Variants in BCOR observed in about 807,000 individuals in gnomAD.
BCOR encodes the protein BCL-6 corepressor.
BCOR carries 10 observed loss-of-function variants against 86.7 expected under a neutral mutation model. The observed-to-expected ratio is 0.12, with a 90% CI of 0.07 to 0.20. The LOEUF is 0.20. Ranked by LOEUF, BCOR falls within the 10% of genes least tolerant of loss-of-function variation. BCOR has a pLI of 1.00. For synonymous variants in BCOR, 611 were observed against 609.0 expected, an observed-to-expected ratio of 1.00 and a Z score of -0.05; for missense variants, 1,259 against 1,452.1, an observed-to-expected ratio of 0.87 and a Z score of 2.16.
intron 1 of BCOR, among the ~76,000 whole-genome samples, chrX:40,147,606 T>C (rs1474554197): frequency 1.8e-5 from 2 of 112,965 alleles, no homozygotes; most frequent in Non-Finnish European, 3.8e-5. Context: ...AAAGACGCAC[T>C]CGGAGAGGCA....
In BCOR at chrX:40,144,615, A is replaced by G. The variant is rs145152763; in HGVS notation, c.-41+32392T>C. Reference sequence around the variant, plus strand: ...CATCTTTCTTATTTGTTTTATCACCAATGAAGTTTATTTACTGAATTAACT... The same window carrying G: ...CATCTTTCTTATTTGTTTTATCACCGATGAAGTTTATTTACTGAATTAACT... On this transcript the variant is annotated intron_variant, in intron 1 of 14. Transcript: ENST00000342274. Among the ~76,000 whole-genome samples, 1,030 of 111,987 alleles carry G rather than the reference A, an allele frequency of 9.2e-3. 10 individuals are homozygous for G. Among genetic ancestry groups the G allele is most frequent in the African/African-American group, 0.031 (968 of 30,800 alleles).
At chrX:40,155,719 G>A (rs1431580637) in intron 1 of BCOR, among the ~76,000 whole-genome samples, 1 of 112,960 alleles carries the variant, frequency 8.9e-6, no homozygotes, top group Non-Finnish European at 1.9e-5. Context: ...GCCGCCGCTA[G>A]AAGTCGTCCA....
intron 1 of BCOR, among the ~76,000 whole-genome samples, chrX:40,105,233 C>G (rs1315287611): frequency 9.0e-6 from 1 of 111,243 alleles, no homozygotes; most frequent in Non-Finnish European, 1.9e-5. Context: ...CATCCCAGCG[C>G]AAGCCGAAAG....
chrX:40,110,673 T>C (rs1322256412), intron 1 of BCOR, among the ~76,000 whole-genome samples: 281 of 7,034 alleles, frequency 0.04, no homozygotes, highest in East Asian at 0.077. Flanking sequence ...TTTTCTTTTT[T>C]TTTTTTTTTT....
At chrX:40,119,392 G>A (rs754090468) in intron 1 of BCOR, among the ~76,000 whole-genome samples, 307 of 110,585 alleles carry the variant, frequency 2.8e-3, no homozygotes, top group Non-Finnish European at 3.7e-3. Context: ...GTCAGGATGG[G>A]CCAGGTGCAG....
In BCOR at chrX:40,128,256, G is replaced by C. The variant is rs776275262; in HGVS notation, c.-41+48751C>G. ...AAACAAAAAAACAAAAAAGTATATT[G>C]GGTTAGAAGCCAGGTGCAGCGGCTC... On this transcript the variant is annotated intron_variant, in intron 1 of 14. Transcript: ENST00000342274. Among the ~76,000 whole-genome samples, 6 of 108,985 alleles carry C rather than the reference G, an allele frequency of 5.5e-5. No homozygotes were observed. In the East Asian group the frequency reaches 1.7e-3, roughly 31 times the overall value. The allele number at this position is 108,985 out of a possible 115,157, so 94.6% of individuals were successfully genotyped here.
chrX:40,138,744 G>A (rs1314570589), intron 1 of BCOR, among the ~76,000 whole-genome samples: 10 of 109,908 alleles, frequency 9.1e-5, no homozygotes, highest in Non-Finnish European at 1.5e-4. Flanking sequence ...TAGTAGAGAC[G>A]GGGTTTCGCC....
chrX:40,087,053 G>A (rs1312166542), intron 1 of BCOR, among the ~76,000 whole-genome samples: 1 of 113,456 alleles, frequency 8.8e-6, no homozygotes, highest in Non-Finnish European at 1.9e-5. Context: ...GAAGCATCAC[G>A]AGAATAAAGG....
intron 1 of BCOR, among the ~76,000 whole-genome samples, chrX:40,078,401 G>C (rs1031543146): frequency 8.9e-6 from 1 of 112,113 alleles, no homozygotes; most frequent in Admixed American, 9.4e-5. Flanking sequence ...GCACACAACT[G>C]ATCTTTCCTG....
At chrX:40,159,911 A>G (rs1429982096) in intron 1 of BCOR, among the ~76,000 whole-genome samples, 1 of 112,110 alleles carries the variant, frequency 8.9e-6, no homozygotes, top group African/African-American at 3.2e-5. Flanking sequence ...CCAGGAAAAA[A>G]AAATCTTACA....
At chrX:40,141,864 T>G (rs927433811) in intron 1 of BCOR, among the ~76,000 whole-genome samples, 1 of 111,100 alleles carries the variant, frequency 9.0e-6, no homozygotes, top group Non-Finnish European at 1.9e-5. Context: ...CAGGTAGGGT[T>G]TGGCTCAGGG....
chrX:40,155,074 G>A (rs1208629149), intron 1 of BCOR, among the ~76,000 whole-genome samples: 1 of 110,867 alleles, frequency 9.0e-6, no homozygotes, highest in East Asian at 2.9e-4. Context: ...GGAGGGGGTC[G>A]GGGGAGGGGC....
At chrX:40,075,318 C>T (rs1261157814) in intron 3 of BCOR, 138 bp from the exon 4 acceptor site, 2 of 91,186 alleles carry the variant, frequency 2.2e-5, no homozygotes, top group Admixed American at 1.5e-4. Flanking sequence ...TCCGGCGGGG[C>T]GGGGGTGGGG....
chrX:40,098,487 G>A, upstream of BCOR, among the ~76,000 whole-genome samples: 1 of 111,563 alleles, frequency 9.0e-6, no homozygotes, highest in Middle Eastern at 4.8e-3. Flanking sequence ...GGCGGGGGCG[G>A]CTCTCCCAGC....
chrX:40,108,658 T>C (rs1937239793), intron 1 of BCOR, among the ~76,000 whole-genome samples: 1 of 113,205 alleles, frequency 8.8e-6, no homozygotes, highest in African/African-American at 3.2e-5. Flanking sequence ...CTGGGAGAGC[T>C]TGAACATTAA....
intron 1 of BCOR, among the ~76,000 whole-genome samples, chrX:40,153,274 TG>T (rs1329418103): frequency 3.6e-5 from 4 of 112,283 alleles, no homozygotes; most frequent in Non-Finnish European, 7.5e-5. Context: ...CTTCCAACCT[TG>T]GGGTGCGCGA....
chrX:40,172,039 C>A lies in BCOR; in HGVS notation c.-41+4968G>T, dbSNP rs142108961. Among the ~76,000 whole-genome samples, 804 of 112,811 alleles carry A rather than the reference C, an allele frequency of 7.1e-3. 4 individuals are homozygous for A. Among genetic ancestry groups the A allele is most frequent in the African/African-American group, 0.025 (764 of 31,115 alleles). The stretch of plus-strand genomic sequence containing the variant: ...CCTGGGGTTGGCGAGGGCAGCTGGG[C>A]GTCTGCGCTGCCCAGCCCAGCCGCG... On this transcript the variant is annotated intron_variant, in intron 1 of 14. Transcript: ENST00000342274.
At chrX:40,127,016 A>G (rs1937552437) in intron 1 of BCOR, among the ~76,000 whole-genome samples, 1 of 111,361 alleles carries the variant, frequency 9.0e-6, no homozygotes, top group African/African-American at 3.3e-5. Flanking sequence ...ACAGTAAGAC[A>G]ATATATTTCA....
intron 3 of BCOR, among the ~76,000 whole-genome samples, chrX:40,075,782 AAAAAT>A (rs1400932409): frequency 1.8e-5 from 2 of 111,712 alleles, no homozygotes; most frequent in African/African-American, 6.5e-5. Flanking sequence ...ATTAAAAAAT[AAAAAT>A]AAAAAAGTCT....
Sources: gnomAD v4.1 joint callset for allele counts (sites outside exome capture counted in the v4.1 genomes callset) on GRCh38, gnomAD v4.1.1 for gene constraint, MANE v1.5 for transcripts, NCBI Gene and HGNC (gene_info 2026-07-23, HGNC 2026-07-21) for gene names.